Variants in TRPM3 observed in about 807,000 individuals in gnomAD.
TRPM3 encodes the protein transient receptor potential cation channel subfamily M member 3.
Under a neutral mutation model 181.2 loss-of-function variants are expected in TRPM3, and 77 were observed. The observed-to-expected ratio is 0.42, with a 90% CI of 0.35 to 0.51. The LOEUF (loss-of-function observed/expected upper bound fraction) is 0.51, where lower values mean the gene tolerates loss of function less well. Among genes scored for constraint, TRPM3 ranks in the 20% least tolerant of loss-of-function variants. TRPM3 has a pLI of 0.01. For missense variants in TRPM3, 1,759 were observed against 2,196.7 expected (o/e 0.80, Z 3.98); for synonymous variants, 745 against 796.4 (o/e 0.94, Z 1.09).
chr9:70,582,287 C>T (rs2056059688), intron 22 of TRPM3, among the ~76,000 whole-genome samples: 1 of 152,010 alleles, frequency 6.6e-6, no homozygotes, highest in South Asian at 2.1e-4. Flanking sequence ...TTCTTTTCAT[C>T]ATCTTGACTG....
At chr9:70,552,179 G>C (rs1182901905) in intron 24 of TRPM3, among the ~76,000 whole-genome samples, 2 of 152,124 alleles carry the variant, frequency 1.3e-5, no homozygotes, top group East Asian at 1.9e-4. Flanking sequence ...GTACCCAAAG[G>C]GTATTTAGGA....
chr9:71,220,485 G>A (rs1336859152), intron 1 of TRPM3, among the ~76,000 whole-genome samples: 1 of 151,572 alleles, frequency 6.6e-6, no homozygotes, highest in African/African-American at 2.4e-5. Flanking sequence ...CTAATTTAAG[G>A]GCCAACTGAA....
chr9:71,281,481 G>C (rs1284506647), intron 1 of TRPM3, among the ~76,000 whole-genome samples: 1 of 152,060 alleles, frequency 6.6e-6, no homozygotes, highest in Non-Finnish European at 1.5e-5. Context: ...GTTCATTGCT[G>C]TCTCCCCAGG....
intron 8 of TRPM3, among the ~76,000 whole-genome samples, chr9:70,752,174 C>T (rs1002784254): frequency 4.6e-5 from 7 of 152,068 alleles, no homozygotes; most frequent in African/African-American, 1.7e-4. Flanking sequence ...GTGACTTGCC[C>T]TATCATACAT....
At chr9:70,566,601 C>T (rs2050657552) in intron 22 of TRPM3, among the ~76,000 whole-genome samples, 1 of 152,160 alleles carries the variant, frequency 6.6e-6, no homozygotes, top group Admixed American at 6.5e-5. Flanking sequence ...TCCATTCCAC[C>T]TCTGGCCTGA....
At chr9:70,913,436 A>G (rs2096558951) in intron 1 of TRPM3, among the ~76,000 whole-genome samples, 1 of 152,130 alleles carries the variant, frequency 6.6e-6, no homozygotes, top group South Asian at 2.1e-4. Context: ...CACTGCCACA[A>G]TTGAAAGAAG....
chr9:70,776,518 A>G, intron 7 of TRPM3: 1 of 695,772 alleles, frequency 1.4e-6, no homozygotes. Flanking sequence ...AAAAGAAACA[A>G]GGAAATAAGT....
intron 1 of TRPM3, among the ~76,000 whole-genome samples, chr9:71,025,112 T>C (rs2097883409): frequency 6.6e-6 from 1 of 152,244 alleles, no homozygotes; most frequent in African/African-American, 2.4e-5. Context: ...CTTGGCAATG[T>C]ATTTATTTCT....
intron 1 of TRPM3, among the ~76,000 whole-genome samples, chr9:71,261,169 T>C (rs2083026528): frequency 6.6e-6 from 1 of 152,254 alleles, no homozygotes; most frequent in Non-Finnish European, 1.5e-5. Flanking sequence ...TCTTTTCACA[T>C]AGTCCCATAT....
At chr9:71,088,013 G>A (rs1340171020) in intron 1 of TRPM3, among the ~76,000 whole-genome samples, 1 of 151,956 alleles carries the variant, frequency 6.6e-6, no homozygotes, top group African/African-American at 2.4e-5. Context: ...CTTTAATGAA[G>A]TGTTTATTAT....
intron 1 of TRPM3, among the ~76,000 whole-genome samples, chr9:71,236,368 T>G (rs922730287): frequency 3.3e-5 from 5 of 152,134 alleles, no homozygotes; most frequent in African/African-American, 4.8e-5. Flanking sequence ...AATTTCCATC[T>G]CCTCTTCCTC....
At chr9:71,342,545 G>A (rs1363753959) in intron 1 of TRPM3, among the ~76,000 whole-genome samples, 2 of 152,000 alleles carry the variant, frequency 1.3e-5, no homozygotes, top group African/African-American at 4.8e-5. Flanking sequence ...AGTGAAAAAT[G>A]TGAAGAGAAA....
At chr9:70,677,774 T>C (rs1590192694) in intron 9 of TRPM3, among the ~76,000 whole-genome samples, 2 of 152,310 alleles carry the variant, frequency 1.3e-5, no homozygotes, top group East Asian at 3.9e-4. Context: ...CTCTTGTTAA[T>C]ATGCCTTTGT....
At chr9:71,040,882 G>A (rs115625093) in intron 1 of TRPM3, among the ~76,000 whole-genome samples, 432 of 152,192 alleles carry the variant, frequency 2.8e-3, no homozygotes, top group African/African-American at 9.7e-3. Flanking sequence ...CCAAAAAACT[G>A]TCCAGTACTC....
At chr9:70,992,248 A>T (rs1264764910) in intron 1 of TRPM3, among the ~76,000 whole-genome samples, 2 of 152,196 alleles carry the variant, frequency 1.3e-5, no homozygotes, top group African/African-American at 4.8e-5. Context: ...GTAAATTTTG[A>T]GTTGGCCTAC....
intron 6 of TRPM3, among the ~76,000 whole-genome samples, chr9:70,816,267 G>T (rs2092681529): frequency 6.6e-6 from 1 of 152,170 alleles, no homozygotes; most frequent in Non-Finnish European, 1.5e-5. Flanking sequence ...GCATTCCAAA[G>T]GCGTCAAGAG....
chr9:70,997,146 T>A (rs1428619298), intron 1 of TRPM3, among the ~76,000 whole-genome samples: 1 of 152,220 alleles, frequency 6.6e-6, no homozygotes, highest in African/African-American at 2.4e-5. Flanking sequence ...TTCATTTTTT[T>A]AAATCTCTCT....
intron 1 of TRPM3, among the ~76,000 whole-genome samples, chr9:71,240,675 A>G (rs549190591): frequency 1.3e-5 from 2 of 151,474 alleles, no homozygotes; most frequent in African/African-American, 2.4e-5. Flanking sequence ...ATTTGTAAAA[A>G]AAGTTATTTT....
At chr9:71,330,947 G>A (rs568225994) in intron 1 of TRPM3, among the ~76,000 whole-genome samples, 2 of 151,788 alleles carry the variant, frequency 1.3e-5, no homozygotes, top group African/African-American at 4.8e-5. Flanking sequence ...TACAAGACTT[G>A]TCTGGGTCTC....
Sources: allele counts gnomAD v4.1 joint callset (sites outside exome capture counted in the v4.1 genomes callset), GRCh38; gene constraint gnomAD v4.1.1; transcripts MANE v1.5; gene names NCBI Gene and HGNC (gene_info 2026-07-23, HGNC 2026-07-21).